ZNF276: variants seen among roughly 807,000 people sequenced by gnomAD.
ZNF276 encodes centromere protein Z.
A neutral mutation model predicts 63.9 loss-of-function variants in ZNF276; 59 were observed. The ratio of observed to expected loss-of-function variants is 0.92; its 90% CI spans 0.75 to 1.15. The LOEUF is 1.15. Ranked by LOEUF, ZNF276 falls within the 50% of genes most tolerant of loss-of-function variation. The probability of loss-of-function intolerance (pLI) is 0.00; values close to 1 mark genes in which losing one functional copy is unlikely to be tolerated. For missense variants in ZNF276, 1,084 were observed against 843.8 expected (o/e 1.28, Z -3.53); for synonymous variants, 496 against 348.4 (o/e 1.42, Z -4.72).
Position 89,729,307 on chromosome 16 carries a change from C to T in ZNF276, c.1158C>T (p.Tyr386=). Residue 386 remains tyrosine, a synonymous_variant, in exon 6 of 11, where the codon TAC becomes TAT. Transcript: ENST00000443381. ...AQSSDESFEP[Y]PERKVSGKKS... is the part of the protein sequence containing the mutation. ...CTTCGGACGAGTCCTTTGAGCCTTA[C>T]CCAGAAAGGAAGTAAGTGGGCAGCC... is the stretch of plus-strand genomic sequence containing the variant. 1.9e-6 allele frequency: 3 copies of T among 1,614,052 alleles called. No homozygotes were observed. The highest frequency in any genetic ancestry group is 2.5e-6 in the Non-Finnish European group (3 of 1,179,978).
chr16:89,720,903 G>C (rs1035435660), upstream of ZNF276: 7 of 1,288,540 alleles, frequency 5.4e-6, no homozygotes, highest in South Asian at 2.3e-5. Context: ...CGAGGGGCTG[G>C]ACGGGCGACC....
chr16:89,722,551 A>G lies in ZNF276; in HGVS notation c.226A>G (p.Met76Val). The change falls in exon 2 of 11, where the codon ATG becomes GTG. Residue 76 changes from methionine to valine, a missense_variant. By Grantham distance (21) the Met-to-Val change is conservative. Transcript: ENST00000443381. Reference sequence around the variant, plus strand: ...TGCAGGAGCAGGCCGGGCTCTCGCCATGGGTCACTGTCGCCTCTGCCACGG... The same window carrying G: ...TGCAGGAGCAGGCCGGGCTCTCGCCGTGGGTCACTGTCGCCTCTGCCACGG... Reference protein sequence around the residue: ...DEAGAGRALAMGHCRLCHGKF... With the variant: ...DEAGAGRALAVGHCRLCHGKF... 5 of 1,612,198 alleles carry G rather than the reference A, an allele frequency of 3.1e-6. No homozygotes were observed. The highest frequency in any genetic ancestry group is 4.2e-6 in the Non-Finnish European group (5 of 1,179,804).
Position 89,723,662 on chromosome 16 carries a change from G to C in ZNF276, c.959G>C (p.Arg320Thr). ...PPSDSDAVGP[R>T]SGFPPQPSLP... Reference sequence around the variant, plus strand: ...TCGGACAGCGACGCGGTGGGGCCCAGGTCGGGCTTCCCACCTCAGCCAAGC... The same window carrying C: ...TCGGACAGCGACGCGGTGGGGCCCACGTCGGGCTTCCCACCTCAGCCAAGC... Residue 320 changes from arginine (R) to threonine (T), a missense_variant, in exon 4 of 11, where the codon AGG (arginine) becomes ACG (threonine). Physicochemically the swap from Arg to Thr is moderately conservative, Grantham distance 71. Transcript: ENST00000443381. The C allele has an allele frequency of 1.9e-6, 3 of 1,612,350 alleles. No individual in the cohort carries two copies. Among genetic ancestry groups the C allele is most frequent in the Non-Finnish European group, 2.5e-6 (3 of 1,179,850 alleles).
chr16:89,722,950 T>C, intron 2 of ZNF276, 116 bp downstream of exon 2: 1 of 1,556,430 alleles, frequency 6.4e-7, no homozygotes, highest in Non-Finnish European at 8.7e-7. Context: ...GAATGGGCCA[T>C]GCCCGGGTTC....
chr16:89,729,387 G>T, intron 6 of ZNF276, 69 bp downstream of exon 6: 1 of 1,405,454 alleles, frequency 7.1e-7, no homozygotes, highest in Admixed American at 1.7e-5. Flanking sequence ...TGTGCTCCAG[G>T]GCCTCTCCCC....
At chr16:89,734,353 T>C (rs2061778078) in intron 9 of ZNF276, among the ~76,000 whole-genome samples, 1 of 151,878 alleles carries the variant, frequency 6.6e-6, no homozygotes, top group African/African-American at 2.4e-5. Flanking sequence ...TGAGACGGAG[T>C]CCTGCTCTGT....
At chr16:89,728,695 C>G (rs955206672) in intron 5 of ZNF276, among the ~76,000 whole-genome samples, 3 of 152,200 alleles carry the variant, frequency 2.0e-5, no homozygotes, top group Non-Finnish European at 4.4e-5. Flanking sequence ...AGCCACCGCA[C>G]CCGGCCAATT....
In ZNF276 at chr16:89,723,526, C is replaced by T. The variant is rs2061373143; in HGVS notation, c.823C>T (p.Arg275Ter). The change falls in exon 4 of 11, where the codon CGA becomes TGA. Residue 275 changes from arginine to a stop codon, truncating the protein, a stop_gained. Transcript: ENST00000443381. LOFTEE classifies it high-confidence loss of function. The part of the protein sequence containing the change: ...KETAPRLPQH[R>*]GWNPGDAPQT... ...GACGGCGCCACGGCTGCCCCAGCAC[C>T]GAGGGTGGAACCCTGGGGATGCCCC... 2 of 1,612,816 alleles carry T rather than the reference C, an allele frequency of 1.2e-6. No individual in the cohort carries two copies. The highest frequency in any genetic ancestry group is 1.7e-6 in the Non-Finnish European group (2 of 1,179,974).
chr16:89,727,449 C>T, intron 5 of ZNF276, 92 bp downstream of exon 5: 4 of 1,431,880 alleles, frequency 2.8e-6, no homozygotes, highest in Non-Finnish European at 3.8e-6. Flanking sequence ...TGGGTTTAAA[C>T]AGCCTAAAAT....
intron 5 of ZNF276, among the ~76,000 whole-genome samples, chr16:89,728,995 A>G (rs1488427817): frequency 1.3e-5 from 2 of 152,248 alleles, no homozygotes. Context: ...GCTGTTTCCA[A>G]GTCCAGTGTC....
chr16:89,726,211 T>G (rs1036486348), intron 4 of ZNF276, among the ~76,000 whole-genome samples: 1 of 152,004 alleles, frequency 6.6e-6, no homozygotes. Flanking sequence ...TGTATTTGTT[T>G]TGAGAAGGAG....
intron 6 of ZNF276, 28 bp from the exon 7 acceptor site, chr16:89,733,274 A>G: frequency 3.8e-6 from 6 of 1,598,718 alleles, no homozygotes; most frequent in Non-Finnish European, 5.1e-6. Flanking sequence ...ATCAGAAACC[A>G]TTGAATTTGG....
chr16:89,720,765 G>A, upstream of ZNF276: 16 of 1,448,720 alleles, frequency 1.1e-5, no homozygotes, highest in Non-Finnish European at 1.4e-5. Context: ...CGCCTCACCC[G>A]GGGCCGGTTG....
Position 89,739,081 on chromosome 16 carries a change from G to T in ZNF276, c.*835G>T. On this transcript the variant is annotated 3_prime_UTR_variant, in exon 11 of 11. Transcript: ENST00000443381. ...GCCGGAACATTCTTTGGCAGAAGGA[G>T]CCTCCGGCTGGGGGGAGCTCCCCTG... 1.2e-6 allele frequency: 2 copies of T among 1,613,882 alleles called. No homozygotes were observed. The highest frequency in any genetic ancestry group is 1.7e-6 in the Non-Finnish European group (2 of 1,179,810).
Position 89,732,579 on chromosome 16 carries a change from G to C in ZNF276, c.1170-723G>C, listed in dbSNP as rs150743742. Reference sequence around the variant, plus strand: ...TTGTGGGTTTTATGTGTAGCACAGGGTGAAGCTTTAGTTCTCAGAACCCAC... The same window carrying C: ...TTGTGGGTTTTATGTGTAGCACAGGCTGAAGCTTTAGTTCTCAGAACCCAC... On this transcript the variant is annotated intron_variant, in intron 6 of 10. Coordinates refer to ENST00000443381, the MANE Select transcript of ZNF276 (RefSeq NM_001113525.2). 409 of 177,884 alleles carry C rather than the reference G, an allele frequency of 2.3e-3. 1 individual carries two copies. Among genetic ancestry groups the C allele is most frequent in the African/African-American group, 9.4e-3 (394 of 41,862 alleles). 11.0% of individuals were successfully genotyped at this position (177,884 alleles called of 1,614,324 possible). A position where few individuals can be genotyped will look rare whatever the true frequency, so the allele number is the denominator to read the frequency against.
Position 89,729,336 on chromosome 16 carries a change from G to C in ZNF276, c.1169+18G>C, listed in dbSNP as rs1404452965. 6 of 1,613,418 alleles carry C rather than the reference G, an allele frequency of 3.7e-6. No individual in the cohort carries two copies. In the East Asian group the frequency reaches 1.3e-4, roughly 36 times the overall value. On this transcript the variant is annotated intron_variant, in intron 6 of 10. Transcript: ENST00000443381. The stretch of plus-strand genomic sequence containing the variant: ...GAAAGGAAGTAAGTGGGCAGCCCGG[G>C]GTCTGCTGGAGGCATCCGTTGGGCG...
Position 89,733,509 on chromosome 16 carries a change from T to C in ZNF276, c.1308T>C (p.Cys436=). The C allele has an allele frequency of 6.2e-7, 1 of 1,614,158 alleles. No homozygotes were observed. Among genetic ancestry groups the C allele is most frequent in the South Asian group, 1.1e-5 (1 of 91,086 alleles). ...EREELPTIYK[C]PYQGCTAVYR... ...AGGAGCTTCCCACCATCTACAAGTG[T>C]CCTTACCAGGGCTGCACGGCCGTGT... Residue 436 remains cysteine, a synonymous_variant, in exon 8 of 11, where the codon TGT becomes TGC. Transcript: ENST00000443381.
rs1297191247 is a variant in ZNF276 at position 89,738,865 on chromosome 16, G to T, written c.*619G>T. 3.7e-6 allele frequency: 6 copies of T among 1,614,210 alleles called. No homozygotes were observed. Among genetic ancestry groups the T allele is most frequent in the South Asian group, 1.1e-5 (1 of 91,076 alleles). ...TCATGTCCCCCACATGGCCCAAGGT[G>T]GGCATCTTGACGTTACCTCTGCCAC... On this transcript the variant is annotated 3_prime_UTR_variant, in exon 11 of 11. Coordinates refer to ENST00000443381, the MANE Select transcript of ZNF276 (RefSeq NM_001113525.2).
At position 89,727,324 on chromosome 16, in the gene ZNF276, G is replaced by T; in HGVS notation, c.1052G>T (p.Arg351Leu). 1 of 1,614,116 alleles carries T rather than the reference G, an allele frequency of 6.2e-7. No individual in the cohort carries two copies. The change falls in exon 5 of 11, where the codon CGG (arginine) becomes CTG (leucine). Residue 351 changes from arginine (R) to leucine (L), a missense_variant. Transcript: ENST00000443381. ...KQLPSSTSDDRVKDEFSDLSE... is the reference protein window; with the variant it reads ...KQLPSSTSDDLVKDEFSDLSE... ...CTTCCATCTTCAACCTCGGATGATC[G>T]GGTAAAAGACGAGTTCAGTGACCTT...
Sources: gnomAD v4.1 joint callset for allele counts (sites outside exome capture counted in the v4.1 genomes callset) on GRCh38, gnomAD v4.1.1 for gene constraint, MANE v1.5 for transcripts, NCBI Gene and HGNC (gene_info 2026-07-23, HGNC 2026-07-21) for gene names.